Variants in WASHC3 observed in about 807,000 individuals in gnomAD.
The protein encoded by WASHC3 is WASH complex subunit 3, also known as WASH complex subunit CCDC53.
Under a neutral mutation model 26.1 loss-of-function variants are expected in WASHC3, and 24 were observed. The observed-to-expected ratio is 0.92, with a 90% CI of 0.66 to 1.29. WASHC3 has a LOEUF of 1.29. Among genes scored for constraint, WASHC3 ranks in the 50% most tolerant of loss-of-function variants. The probability of loss-of-function intolerance (pLI) is 0.00; values close to 1 mark genes in which losing one functional copy is unlikely to be tolerated. For synonymous variants in WASHC3, 77 were observed against 75.7 expected (o/e 1.02, Z -0.09); for missense variants, 214 against 229.6 (o/e 0.93, Z 0.44).
chr12:102,029,869 ATTT>A (rs1288034628), intron 5 of WASHC3, among the ~76,000 whole-genome samples: 2 of 152,240 alleles, frequency 1.3e-5, no homozygotes, highest in African/African-American at 2.4e-5. Flanking sequence ...AACTAGTAGA[ATTT>A]GAAAAAACGC....
intron 6 of WASHC3, among the ~76,000 whole-genome samples, chr12:102,014,051 G>T (rs1876593816): frequency 6.9e-6 from 1 of 145,300 alleles, no homozygotes; most frequent in Non-Finnish European, 1.5e-5. Context: ...AAGAGGAAAA[G>T]GAGTAACAAT....
upstream of WASHC3, chr12:102,062,040 C>T (rs545380202): frequency 7.7e-7 from 1 of 1,296,048 alleles, no homozygotes; most frequent in African/African-American, 1.5e-5. Flanking sequence ...GTAATCACGT[C>T]TCAACTTTCC....
chr12:102,034,097 A>T lies in WASHC3; in HGVS notation c.435+5771T>A, dbSNP rs909738192. ...GTAGTCTGTAATGAAGTCACCCTCT[A>T]GAATTAGCTGGGGTTAGGCTCCTCC... is the stretch of plus-strand genomic sequence containing the variant. On this transcript the variant is annotated intron_variant, in intron 5 of 6. Coordinates refer to ENST00000240079, the MANE Select transcript of WASHC3 (RefSeq NM_016053.4). 2.0e-5 allele frequency among the ~76,000 whole-genome samples: 3 copies of T among 152,120 alleles called. No individual in the cohort carries two copies. The East Asian group carries it at 5.8e-4, about 29-fold the overall frequency.
At chr12:102,035,798 G>C (rs1321726051) in intron 5 of WASHC3, among the ~76,000 whole-genome samples, 1 of 152,172 alleles carries the variant, frequency 6.6e-6, no homozygotes, top group Non-Finnish European at 1.5e-5. Flanking sequence ...AATATGTACA[G>C]ATAATCATAA....
chr12:102,047,512 T>C lies in WASHC3; in HGVS notation c.151-1393A>G, dbSNP rs143105115. On this transcript the variant is annotated intron_variant, in intron 2 of 6. Transcript: ENST00000240079. ...TCTAGAATTCATTCACATAAGGCTT[T>C]TAGGTAAACACCAATACAGGTTTAT... Among the ~76,000 whole-genome samples, 231 of 152,314 alleles carry C rather than the reference T, an allele frequency of 1.5e-3. 2 individuals carry two copies. Among genetic ancestry groups the C allele is most frequent in the Non-Finnish European group, 2.3e-3 (157 of 68,020 alleles).
intron 4 of WASHC3, 55 bp downstream of exon 4, chr12:102,044,050 T>C (rs1182666727): frequency 7.2e-6 from 6 of 833,116 alleles, no homozygotes; most frequent in Admixed American, 2.5e-5. Context: ...AACCTGCTGC[T>C]TAACACTATC....
chr12:102,042,086 G>A (rs1203078520), intron 4 of WASHC3, among the ~76,000 whole-genome samples: 1 of 151,984 alleles, frequency 6.6e-6, no homozygotes, highest in Non-Finnish European at 1.5e-5. Context: ...ATATATGACA[G>A]CTCTATCTAC....
chr12:102,056,034 A>G (rs576232493), intron 2 of WASHC3, among the ~76,000 whole-genome samples: 22 of 152,332 alleles, frequency 1.4e-4, no homozygotes, highest in African/African-American at 1.9e-4. Flanking sequence ...CGTTAATTCT[A>G]TCTAACTAGA....
At chr12:102,043,922 A>C (rs949303652) in intron 4 of WASHC3, 183 bp downstream of exon 4, 5 of 366,384 alleles carry the variant, frequency 1.4e-5, no homozygotes, top group Non-Finnish European at 2.5e-5. Flanking sequence ...GAAAGTATTA[A>C]CTTCAGGAAG....
intron 6 of WASHC3, among the ~76,000 whole-genome samples, chr12:102,021,049 T>A (rs1413030813): frequency 2.0e-5 from 3 of 152,060 alleles, no homozygotes; most frequent in African/African-American, 4.8e-5. Context: ...ACCACTGCAC[T>A]CCAGCCTGGG....
intron 5 of WASHC3, among the ~76,000 whole-genome samples, chr12:102,037,391 G>A (rs1877710543): frequency 6.6e-6 from 1 of 152,148 alleles, no homozygotes; most frequent in East Asian, 1.9e-4. Context: ...CAGCAGAGAA[G>A]GCGTAAAGGG....
At chr12:102,040,573 G>T (rs1877897827) in intron 4 of WASHC3, 1 of 151,946 alleles carries the variant, frequency 6.6e-6, no homozygotes, top group Non-Finnish European at 1.5e-5. Context: ...ACTATTAATG[G>T]TAACATTGTC....
rs145718398 is a variant in WASHC3 at position 102,027,844 on chromosome 12, T to C, written c.436-1806A>G. Among the ~76,000 whole-genome samples, 63 of 152,290 alleles carry C rather than the reference T, an allele frequency of 4.1e-4. 1 individual carries two copies. Among genetic ancestry groups the C allele is most frequent in the African/African-American group, 1.5e-3 (61 of 41,568 alleles). On this transcript the variant is annotated intron_variant, in intron 5 of 6. Transcript: ENST00000240079. ...TATCTTGGTAACTGTTGTTTTGTCT[T>C]ATAAATTAGTAAAATTTAGCTTATT...
chr12:102,027,612 A>C (rs1044585630), intron 5 of WASHC3, among the ~76,000 whole-genome samples: 2 of 152,284 alleles, frequency 1.3e-5, no homozygotes, highest in African/African-American at 4.8e-5. Flanking sequence ...ACTTCAAAAA[A>C]ACTGTCCAGA....
At chr12:102,024,288 AATGAAGT>A (rs1314803885) in intron 6 of WASHC3, among the ~76,000 whole-genome samples, 3 of 152,180 alleles carry the variant, frequency 2.0e-5, no homozygotes, top group Non-Finnish European at 4.4e-5. Flanking sequence ...GTGAAGCAAG[AATGAAGT>A]ATGAAGAGAT....
rs1878150943 is a variant in WASHC3 at position 102,046,110 on chromosome 12, C to T, written c.160G>A (p.Asp54Asn). ...FSTVCEEKLA[D>N]LSLRIQQIET... is the part of the protein sequence containing the mutation. ...ATTTGTTGGATACGAAGTGAAAGGT[C>T]TGCCAGTTTCTGTAAAAGAAAAATT... The change falls in exon 3 of 7, where the codon GAC becomes AAC. Residue 54 changes from aspartate (D) to asparagine (N), a missense_variant. Asp to Asn is a conservative substitution (Grantham distance 23). Transcript: ENST00000240079. 1.9e-6 allele frequency: 3 copies of T among 1,587,976 alleles called. No individual in the cohort carries two copies. The Admixed American group carries it at 5.2e-5, about 27-fold the overall frequency.
rs568237540 is a variant in WASHC3 at position 102,053,209 on chromosome 12, C to T, written c.151-7090G>A. Among the ~76,000 whole-genome samples the T allele has an allele frequency of 6.6e-5, 10 of 152,132 alleles. No homozygotes were observed. The South Asian group carries it at 2.1e-3, about 32-fold the overall frequency. On this transcript the variant is annotated intron_variant, in intron 2 of 6. Coordinates refer to ENST00000240079, the MANE Select transcript of WASHC3 (RefSeq NM_016053.4). ...CACCTTGGAACCTGGCCAGACACTG[C>T]AGACTCAGGCTCAAGGCTCACCCCA...
intron 5 of WASHC3, among the ~76,000 whole-genome samples, chr12:102,039,364 C>T (rs1877840242): frequency 6.6e-6 from 1 of 151,964 alleles, no homozygotes; most frequent in Non-Finnish European, 1.5e-5. Flanking sequence ...ATGTTAGCTT[C>T]TGCTATCACA....
At chr12:102,040,459 T>G (rs2136667774) in intron 4 of WASHC3, 1 of 152,252 alleles carries the variant, frequency 6.6e-6, no homozygotes, top group Non-Finnish European at 1.5e-5. Flanking sequence ...TAAGTGGACA[T>G]GGCTCTTCTA....
Sources: gnomAD v4.1 joint callset for allele counts (sites outside exome capture counted in the v4.1 genomes callset) on GRCh38, gnomAD v4.1.1 for gene constraint, MANE v1.5 for transcripts, NCBI Gene and HGNC (gene_info 2026-07-23, HGNC 2026-07-21) for gene names.